The following EML5 variants were observed in gnomAD, a reference collection of about 807,000 sequenced individuals.
EML5 encodes the protein EMAP like 5.
A neutral mutation model predicts 250.0 loss-of-function variants in EML5; 120 were observed. That is an observed-to-expected ratio of 0.48 (90% confidence interval 0.41 to 0.56). The LOEUF (loss-of-function observed/expected upper bound fraction) is 0.56, where lower values mean the gene tolerates loss of function less well. Ranked by LOEUF, EML5 falls within the 20% of genes least tolerant of loss-of-function variation. EML5 has a pLI of 0.00. For missense variants in EML5, 2,006 were observed against 2,437.6 expected (o/e 0.82, Z 3.73); for synonymous variants, 771 against 806.5 (o/e 0.96, Z 0.75).
chr14:88,617,805 A>T (rs1436239446), intron 41 of EML5: 2 of 153,714 alleles, frequency 1.3e-5, no homozygotes, highest in African/African-American at 4.8e-5. Context: ...TGGCCAAAAA[A>T]ATGGATAGTC....
chr14:88,621,373 G>A, intron 37 of EML5, 72 bp from the exon 38 acceptor site: 1 of 1,557,488 alleles, frequency 6.4e-7, no homozygotes, highest in Non-Finnish European at 8.8e-7. Context: ...ATATAAAAAT[G>A]ACCCTATTGA....
In EML5 at chr14:88,631,073, G is replaced by A. The variant is rs569558105; in HGVS notation, c.4358-3254C>T. Among the ~76,000 whole-genome samples the A allele has an allele frequency of 3.3e-5, 5 of 152,330 alleles. No homozygotes were observed. In the East Asian group the frequency reaches 7.7e-4, roughly 23 times the overall value. ...CACTACAAATACTACCAGAGAGTGA[G>A]TTTTCTCTGCTTAATTGCCTTAAGG... On this transcript the variant is annotated intron_variant, in intron 33 of 43. Transcript: ENST00000554922.
intron 1 of EML5, among the ~76,000 whole-genome samples, chr14:88,759,698 A>AAAACAAAAAC (rs1555374466): frequency 7.0e-6 from 1 of 142,112 alleles, no homozygotes; most frequent in African/African-American, 2.7e-5. Context: ...AAAAAAAAAA[A>AAAACAAAAAC]AAAAAACTGG....
intron 10 of EML5, among the ~76,000 whole-genome samples, chr14:88,712,058 C>A (rs181689666): frequency 1.3e-5 from 2 of 152,036 alleles, no homozygotes; most frequent in Admixed American, 1.3e-4. Context: ...TTCATAACAA[C>A]ATATGAATTC....
chr14:88,661,776 C>T lies in EML5; in HGVS notation c.3553G>A (p.Gly1185Arg). ...WTSVLGLCCEGIWPVIGEVTD... is the reference protein window; with the variant it reads ...WTSVLGLCCERIWPVIGEVTD... ...ACTTCTCCAATTACTGGCCAAATTC[C>T]TTCACAGCATAAACCAAGTACACTT... Residue 1185 changes from glycine to arginine, a missense_variant, in exon 25 of 44, where the codon GGA becomes AGA. Gly to Arg is a moderately radical substitution (Grantham distance 125, BLOSUM62 -2). Around this residue, in one of 7 missense-constraint regions of EML5, gnomAD observed 1,375 missense variants for 1,590.3 expected, o/e 0.86. Coordinates refer to ENST00000554922, the MANE Select transcript of EML5 (RefSeq NM_183387.3). 1 of 1,613,678 alleles carries T rather than the reference C, an allele frequency of 6.2e-7. No homozygotes were observed. Among genetic ancestry groups the T allele is most frequent in the Non-Finnish European group, 8.5e-7 (1 of 1,179,782 alleles).
intron 21 of EML5, among the ~76,000 whole-genome samples, chr14:88,674,207 T>C (rs2092541562): frequency 6.6e-6 from 1 of 152,178 alleles, no homozygotes; most frequent in Admixed American, 6.5e-5. Flanking sequence ...AGGTGGAGGT[T>C]GCAGTGAGCT....
chr14:88,766,084 C>A (rs2094315752), intron 1 of EML5, among the ~76,000 whole-genome samples: 1 of 152,178 alleles, frequency 6.6e-6, no homozygotes, highest in African/African-American at 2.4e-5. Context: ...ATTTCCTATG[C>A]CTGTCTTTAC....
Position 88,643,024 on chromosome 14 carries a change from T to C in EML5, c.4108-2A>G. 2 of 1,569,068 alleles carry C rather than the reference T, an allele frequency of 1.3e-6. No homozygotes were observed. The highest frequency in any genetic ancestry group is 1.7e-6 in the Non-Finnish European group (2 of 1,166,880). ...AAAAATGAGCTCCAACACAAGGTCC[T>C]ATAATGATAATAATAAAACCATTAT... On this transcript the variant is annotated splice_acceptor_variant, in intron 30 of 43. Coordinates refer to ENST00000554922, the MANE Select transcript of EML5 (RefSeq NM_183387.3). LOFTEE classifies it high-confidence loss of function.
At position 88,618,789 on chromosome 14, in the gene EML5, A is replaced by C. The variant is rs774342834; in HGVS notation, c.5399T>G (p.Leu1800Arg). The C allele has an allele frequency of 6.3e-7, 1 of 1,593,856 alleles. No individual in the cohort carries two copies. The highest frequency in any genetic ancestry group is 1.1e-5 in the South Asian group (1 of 88,010). Residue 1800 changes from leucine (L) to arginine (R), a missense_variant, in exon 40 of 44, where the codon CTG becomes CGG. Transcript: ENST00000554922. ...DIRFSPDSRY[L>R]AVGSSENSVD... is the part of the protein sequence containing the mutation. Reference sequence around the variant, plus strand: ...TGAGTTCTCACTAGAACCTACTGCCAGATACCGGGAATCCGGACTAAATCT... The same window carrying C: ...TGAGTTCTCACTAGAACCTACTGCCCGATACCGGGAATCCGGACTAAATCT...
intron 40 of EML5, 123 bp downstream of exon 40, chr14:88,618,527 A>AG: frequency 8.1e-7 from 1 of 1,227,504 alleles, no homozygotes. Context: ...GTAGGTCAGA[A>AG]GGTACAAAGG....
At chr14:88,634,741 T>C (rs1239716022) in intron 32 of EML5, among the ~76,000 whole-genome samples, 1 of 152,164 alleles carries the variant, frequency 6.6e-6, no homozygotes, top group African/African-American at 2.4e-5. Flanking sequence ...AACTTTTAAT[T>C]ATAATAACTT....
intron 24 of EML5, among the ~76,000 whole-genome samples, chr14:88,662,280 A>G (rs997045831): frequency 1.6e-5 from 2 of 124,796 alleles, no homozygotes; most frequent in Non-Finnish European, 3.2e-5. Flanking sequence ...AGGCCAAGAT[A>G]AAAAATAAAA....
intron 2 of EML5, among the ~76,000 whole-genome samples, chr14:88,752,853 A>C (rs1490567145): frequency 6.6e-6 from 1 of 152,210 alleles, no homozygotes; most frequent in African/African-American, 2.4e-5. Flanking sequence ...GCATATCAAG[A>C]GGAGTTTGGC....
At chr14:88,714,119 T>C (rs2093452172) in intron 9 of EML5, among the ~76,000 whole-genome samples, 1 of 152,148 alleles carries the variant, frequency 6.6e-6, no homozygotes, top group Non-Finnish European at 1.5e-5. Context: ...ATTACAGGCG[T>C]GAGCCACTAT....
At chr14:88,774,106 G>A (rs889471845) in intron 1 of EML5, among the ~76,000 whole-genome samples, 13 of 152,122 alleles carry the variant, frequency 8.5e-5, no homozygotes, top group African/African-American at 1.7e-4. Flanking sequence ...TGACGAGAGC[G>A]AGACTCTGTC....
chr14:88,783,531 C>T (rs2094519647), intron 1 of EML5, among the ~76,000 whole-genome samples: 2 of 152,054 alleles, frequency 1.3e-5, no homozygotes, highest in Non-Finnish European at 2.9e-5. Context: ...TATATTTATA[C>T]CAGAAAAAGT....
intron 18 of EML5, among the ~76,000 whole-genome samples, 199 bp downstream of exon 18, chr14:88,688,072 A>G (rs2092877441): frequency 6.6e-6 from 1 of 152,138 alleles, no homozygotes; most frequent in Admixed American, 6.6e-5. Context: ...CACTATCTCA[A>G]AACAAAACAC....
chr14:88,757,893 C>G (rs183031654), intron 1 of EML5, among the ~76,000 whole-genome samples: 111 of 151,968 alleles, frequency 7.3e-4, no homozygotes, highest in African/African-American at 2.5e-3. Flanking sequence ...CTCTGTCACC[C>G]AGGCTGGAGT....
intron 1 of EML5, among the ~76,000 whole-genome samples, chr14:88,761,451 T>C (rs2094241938): frequency 6.6e-6 from 1 of 152,196 alleles, no homozygotes; most frequent in East Asian, 1.9e-4. Context: ...ACATGTGGTG[T>C]TTGGTTTTCT....
Sources: allele counts gnomAD v4.1 joint callset (sites outside exome capture counted in the v4.1 genomes callset), GRCh38; gene constraint gnomAD v4.1.1; regional missense constraint gnomAD v4.1.1; transcripts MANE v1.5; gene names NCBI Gene and HGNC (gene_info 2026-07-23, HGNC 2026-07-21).